Variants in CNTN6 observed in about 807,000 individuals in gnomAD.
The protein encoded by CNTN6 is contactin-6.
CNTN6 carries 137 observed loss-of-function variants against 122.8 expected under a neutral mutation model. The observed-to-expected ratio is 1.12, with a 90% CI of 0.97 to 1.29. CNTN6 has a LOEUF of 1.29. CNTN6 is among the 50% of genes most tolerant of loss of function. The probability of loss-of-function intolerance (pLI) is 0.00; values close to 1 mark genes in which losing one functional copy is unlikely to be tolerated. For missense variants in CNTN6, 1,634 were observed against 1,223.4 expected, an observed-to-expected ratio of 1.34 and a Z score of -5.01; for synonymous variants, 570 against 426.0, an observed-to-expected ratio of 1.34 and a Z score of -4.16.
chr3:1,284,388 C>A (rs1292849384), intron 5 of CNTN6, among the ~76,000 whole-genome samples: 2 of 152,146 alleles, frequency 1.3e-5, no homozygotes, highest in African/African-American at 2.4e-5. Context: ...GTGCTTTTGT[C>A]TTAGTGGGTA....
chr3:1,282,928 G>C (rs1490211086), intron 5 of CNTN6, among the ~76,000 whole-genome samples: 2 of 152,182 alleles, frequency 1.3e-5, no homozygotes, highest in Non-Finnish European at 2.9e-5. Flanking sequence ...TGTCCCTGCA[G>C]GGTTCTAAGG....
At chr3:1,254,610 T>C (rs2094723141) in intron 4 of CNTN6, among the ~76,000 whole-genome samples, 1 of 152,102 alleles carries the variant, frequency 6.6e-6, no homozygotes, top group South Asian at 2.1e-4. Flanking sequence ...TTGCCTGCCA[T>C]GAGTCTACGA....
At chr3:1,329,982 A>C in intron 11 of CNTN6, 47 bp downstream of exon 11, 1 of 1,414,428 alleles carries the variant, frequency 7.1e-7, no homozygotes, top group African/African-American at 1.5e-5. Context: ...GTAATATAAC[A>C]TCTTCCAAAT....
At chr3:1,211,106 C>T (rs2094030914) in intron 2 of CNTN6, among the ~76,000 whole-genome samples, 1 of 152,210 alleles carries the variant, frequency 6.6e-6, no homozygotes, top group Non-Finnish European at 1.5e-5. Flanking sequence ...GGCTTTGCAA[C>T]ATTTGTGCAA....
chr3:1,102,164 C>T (rs1030670067), intron 1 of CNTN6, among the ~76,000 whole-genome samples: 1 of 152,026 alleles, frequency 6.6e-6, no homozygotes, highest in Admixed American at 6.6e-5. Flanking sequence ...ATTTTCAATG[C>T]CTTTTTTGCA....
chr3:1,184,712 T>A (rs2093605290), intron 2 of CNTN6, among the ~76,000 whole-genome samples: 2 of 152,250 alleles, frequency 1.3e-5, no homozygotes, highest in South Asian at 4.1e-4. Flanking sequence ...TGAAAATTAA[T>A]AATAACTATT....
chr3:1,294,974 C>G (rs1559736754), intron 5 of CNTN6, among the ~76,000 whole-genome samples: 1 of 152,088 alleles, frequency 6.6e-6, no homozygotes, highest in African/African-American at 2.4e-5. Context: ...AATAATCAGG[C>G]CAGTGCAGTG....
At chr3:1,095,374 G>A (rs965115489) in intron 1 of CNTN6, among the ~76,000 whole-genome samples, 17 of 152,126 alleles carry the variant, frequency 1.1e-4, no homozygotes, top group Non-Finnish European at 1.9e-4. Flanking sequence ...AGGAAGCTGA[G>A]GCAGGAGAAT....
At chr3:1,376,676 T>C (rs1254590656) in intron 16 of CNTN6, among the ~76,000 whole-genome samples, 1 of 152,150 alleles carries the variant, frequency 6.6e-6, no homozygotes, top group Non-Finnish European at 1.5e-5. Flanking sequence ...ACTGTATAAT[T>C]AGGCACTAAA....
chr3:1,167,131 G>A (rs1239419602), intron 2 of CNTN6, among the ~76,000 whole-genome samples: 3 of 151,538 alleles, frequency 2.0e-5, no homozygotes, highest in East Asian at 1.9e-4. Context: ...AATGGTGGAG[G>A]AGTGGGGAGA....
intron 4 of CNTN6, among the ~76,000 whole-genome samples, chr3:1,228,261 A>C (rs1244123652): frequency 6.6e-6 from 1 of 152,200 alleles, no homozygotes; most frequent in Non-Finnish European, 1.5e-5. Context: ...TTTCAGACAT[A>C]AATATTAAGA....
chr3:1,143,783 T>C (rs1388741470), intron 1 of CNTN6, among the ~76,000 whole-genome samples: 1 of 152,232 alleles, frequency 6.6e-6, no homozygotes, highest in Non-Finnish European at 1.5e-5. Flanking sequence ...CTCATTATAG[T>C]ATGCTGATAA....
At chr3:1,131,416 T>C (rs1429599548) in intron 1 of CNTN6, among the ~76,000 whole-genome samples, 2 of 654 alleles carry the variant, frequency 3.1e-3, no homozygotes, top group Admixed American at 0.034. Context: ...GCTTAGGGGG[T>C]TGCTCTCCTT....
chr3:1,329,106 T>A (rs1382198185), intron 10 of CNTN6, among the ~76,000 whole-genome samples: 1 of 151,342 alleles, frequency 6.6e-6, no homozygotes, highest in Non-Finnish European at 1.5e-5. Flanking sequence ...TATATACGTA[T>A]ATATGTATAT....
chr3:1,364,233 C>A (rs995924018), intron 12 of CNTN6, among the ~76,000 whole-genome samples: 2 of 151,842 alleles, frequency 1.3e-5, no homozygotes, highest in Non-Finnish European at 2.9e-5. Flanking sequence ...CTAGACATTG[C>A]AAGTTAACTA....
chr3:1,350,444 T>G (rs1705448540), intron 11 of CNTN6, among the ~76,000 whole-genome samples: 1 of 151,886 alleles, frequency 6.6e-6, no homozygotes. Flanking sequence ...CTAGGGCAGA[T>G]TTTAACTTTT....
At chr3:1,143,995 T>C (rs2092670580) in intron 1 of CNTN6, among the ~76,000 whole-genome samples, 1 of 152,128 alleles carries the variant, frequency 6.6e-6, no homozygotes, top group Non-Finnish European at 1.5e-5. Flanking sequence ...AAAGAGACAA[T>C]AGTAGAAGCA....
At chr3:1,237,615 G>C (rs2094437650) in intron 4 of CNTN6, among the ~76,000 whole-genome samples, 1 of 152,068 alleles carries the variant, frequency 6.6e-6, no homozygotes, top group Non-Finnish European at 1.5e-5. Context: ...ATCTAAAGTT[G>C]AGACAAAGGA....
At chr3:1,242,213 G>C (rs537458180) in intron 4 of CNTN6, among the ~76,000 whole-genome samples, 2 of 152,268 alleles carry the variant, frequency 1.3e-5, no homozygotes, top group East Asian at 1.9e-4. Context: ...GAGCCTAATG[G>C]GTGTCAGGGT....
Sources: allele counts gnomAD v4.1 joint callset (sites outside exome capture counted in the v4.1 genomes callset), GRCh38; gene constraint gnomAD v4.1.1; transcripts MANE v1.5; gene names NCBI Gene and HGNC (gene_info 2026-07-23, HGNC 2026-07-21).